Variants in PLCG1 observed in about 807,000 individuals in gnomAD.
PLCG1 encodes phospholipase C gamma 1, also known as 1-phosphatidylinositol 4,5-bisphosphate phosphodiesterase gamma-1.
PLCG1 carries 71 observed loss-of-function variants against 177.8 expected under a neutral mutation model. That is an observed-to-expected ratio of 0.40 (90% CI 0.33 to 0.49). The LOEUF is 0.49. Among genes scored for constraint, PLCG1 ranks in the 20% least tolerant of loss-of-function variants. The pLI is 0.72. For missense variants in PLCG1, 1,281 were observed against 1,709.0 expected (o/e 0.75, Z 4.42); for synonymous variants, 658 against 647.9 (o/e 1.02, Z -0.24).
intron 1 of PLCG1, 163 bp downstream of exon 1, chr20:41,138,021 T>C: frequency 4.6e-6 from 2 of 435,358 alleles, no homozygotes; most frequent in East Asian, 3.6e-5. Flanking sequence ...GGGTGGTCAC[T>C]GGGGGCGGGG....
In PLCG1 at chr20:41,137,649, G is replaced by A. The variant is rs1456314705; in HGVS notation, c.8G>A (p.Gly3Asp). ...GCCCCCAGCGTCGGAGCCATGGCGG[G>A]CGCCGCGTCCCCTTGCGCCAACGGC... MA[G>D]AASPCANGCG... The change falls in exon 1 of 32, where the codon GGC becomes GAC. Residue 3 changes from glycine to aspartate, a missense_variant. Transcript: ENST00000685551. This position sits in a 1 kb window ranked among gnomAD's most constrained non-coding sequence, Gnocchi z 7.3. 3 of 1,319,770 alleles carry A rather than the reference G, an allele frequency of 2.3e-6. No homozygotes were observed. The highest frequency in any genetic ancestry group is 1.9e-6 in the Non-Finnish European group (2 of 1,034,652). The allele number at this position is 1,319,770 out of a possible 1,614,324, so 81.8% of individuals were successfully genotyped here.
In PLCG1 at chr20:41,156,707, C is replaced by T. The variant is rs2035332623; in HGVS notation, c.218-2899C>T. Among the ~76,000 whole-genome samples, 1 of 152,166 alleles carries T rather than the reference C, an allele frequency of 6.6e-6. No individual in the cohort carries two copies. The highest frequency in any genetic ancestry group is 2.4e-5 in the African/African-American group (1 of 41,436). On this transcript the variant is annotated intron_variant, in intron 1 of 31. Transcript: ENST00000685551. This position sits in a 1 kb window ranked among gnomAD's most constrained non-coding sequence, Gnocchi z 5.0. ...GTATAACGTGTGACTTTCCTACTCC[C>T]CTAAGTAGTTCTCCCCTTCTCAAGC...
Position 41,170,371 on chromosome 20 carries a change from C to T in PLCG1, c.2808+102C>T, listed in dbSNP as rs953496947. 9 of 1,279,506 alleles carry T rather than the reference C, an allele frequency of 7.0e-6. No homozygotes were observed. In the African/African-American group the frequency reaches 1.0e-4, roughly 15 times the overall value. The allele number at this position is 1,279,506 out of a possible 1,614,324, so 79.3% of individuals were successfully genotyped here. A position where few individuals can be genotyped will look rare whatever the true frequency, so the allele number is the denominator to read the frequency against. ...GGCCCCCTCAGAGCAGTGGGGCAGC[C>T]GATGGCCTATGCTAGATAGGCCACA... On this transcript the variant is annotated intron_variant, in intron 24 of 31. Transcript: ENST00000685551.
chr20:41,177,352 G>A lies in PLCG1; in HGVS notation c.*2843G>A, dbSNP rs922717040. The A allele has an allele frequency of 6.6e-6, 1 of 152,286 alleles. No individual in the cohort carries two copies. The highest frequency in any genetic ancestry group is 1.5e-5 in the Non-Finnish European group (1 of 68,062). The allele number at this position is 152,286 out of a possible 1,614,324, so 9.4% of individuals were successfully genotyped here. ...AGACTGCCCTGCGGGAAGATGGCAG[G>A]AGCAGTTTCTGACCTCAGTTGAGTA... On this transcript the variant is annotated 3_prime_UTR_variant, in exon 32 of 32. Coordinates refer to ENST00000685551, the MANE Select transcript of PLCG1 (RefSeq NM_002660.3).
In PLCG1 at chr20:41,164,157, A is replaced by G. The variant is rs761510022; in HGVS notation, c.1173A>G (p.Ser391=). The G allele has an allele frequency of 3.7e-6, 6 of 1,614,054 alleles. No homozygotes were observed. Among genetic ancestry groups the G allele is most frequent in the Non-Finnish European group, 5.1e-6 (6 of 1,179,958 alleles). The stretch of plus-strand genomic sequence containing the variant: ...CCCTTACCACCAAGATCAAGTTCTC[A>G]GATGTCCTGCACACCATCAAGGAGC... ...GHTLTTKIKF[S]DVLHTIKEHA... Residue 391 remains serine, a synonymous_variant, in exon 12 of 32, where the codon TCA becomes TCG. Coordinates refer to ENST00000685551, the MANE Select transcript of PLCG1 (RefSeq NM_002660.3). The surrounding 1 kb of genome is among the most constrained non-coding windows in gnomAD (Gnocchi z 6.4).
Position 41,166,057 on chromosome 20 carries a change from CACA to C in PLCG1, c.1800-136_1800-134del. On this transcript the variant is annotated intron_variant, in intron 16 of 31. Coordinates refer to ENST00000685551, the MANE Select transcript of PLCG1 (RefSeq NM_002660.3). The surrounding 1 kb of genome is among the most constrained non-coding windows in gnomAD (Gnocchi z 8.6). ...CACACCTTTGGTTCATGTGACTGCC[CACA>C]CCTGAGCTCCTCAGGAGATTGGCCT... 8 of 761,988 alleles carry C rather than the reference CACA, an allele frequency of 1.0e-5. No homozygotes were observed. The highest frequency in any genetic ancestry group is 2.9e-4 in the Middle Eastern group (1 of 3,408). 47.2% of individuals were successfully genotyped at this position (761,988 alleles called of 1,614,324 possible). A position where few individuals can be genotyped will look rare whatever the true frequency, so the allele number is the denominator to read the frequency against.
At chr20:41,155,967 G>A (rs1196534660) in intron 1 of PLCG1, among the ~76,000 whole-genome samples, 1 of 152,174 alleles carries the variant, frequency 6.6e-6, no homozygotes, top group African/African-American at 2.4e-5. Context: ...GATGGTCAGG[G>A]AAAGCTTCTT....
intron 24 of PLCG1, 65 bp downstream of exon 24, chr20:41,170,334 G>C (rs774606137): frequency 6.3e-7 from 1 of 1,579,016 alleles, no homozygotes. Context: ...GAGGCCTCCA[G>C]CTCCCAGCAC....
At chr20:41,155,004 G>A (rs763392078) in intron 1 of PLCG1, among the ~76,000 whole-genome samples, 3 of 152,198 alleles carry the variant, frequency 2.0e-5, no homozygotes, top group Non-Finnish European at 4.4e-5. Context: ...CAGAAGCTCC[G>A]CTCTGAGTAA....
At chr20:41,139,731 C>T (rs1053662809) in intron 1 of PLCG1, among the ~76,000 whole-genome samples, 3 of 152,066 alleles carry the variant, frequency 2.0e-5, no homozygotes, top group Non-Finnish European at 4.4e-5. Context: ...CCGTGGCTGC[C>T]CTTCAAGACC....
At position 41,173,537 on chromosome 20, in the gene PLCG1, C is replaced by G. The variant is rs779852761; in HGVS notation, c.3394+3C>G. 1 of 1,613,692 alleles carries G rather than the reference C, an allele frequency of 6.2e-7. No individual in the cohort carries two copies. The highest frequency in any genetic ancestry group is 8.5e-7 in the Non-Finnish European group (1 of 1,179,858). On this transcript the variant is annotated splice_donor_region_variant and intron_variant, in intron 28 of 31. Coordinates refer to ENST00000685551, the MANE Select transcript of PLCG1 (RefSeq NM_002660.3). The surrounding 1 kb of genome is among the most constrained non-coding windows in gnomAD (Gnocchi z 6.2). ...CAAGCAGAAGACAGAGTTTGTGGGT[C>G]AGTCTGTCTTCCCAGTCATCCTCCT...
rs1010549672 is a variant in PLCG1 at position 41,153,170 on chromosome 20, G to A, written c.218-6436G>A. ...AAGAGACCTTTCATATTTACTATGA[G>A]TTGCAGTTTTTTTAAGTTACAAAAT... On this transcript the variant is annotated intron_variant, in intron 1 of 31. Coordinates refer to ENST00000685551, the MANE Select transcript of PLCG1 (RefSeq NM_002660.3). This position sits in a 1 kb window ranked among gnomAD's most constrained non-coding sequence, Gnocchi z 5.1. Among the ~76,000 whole-genome samples the A allele has an allele frequency of 5.3e-5, 8 of 152,222 alleles. No homozygotes were observed. Among genetic ancestry groups the A allele is most frequent in the South Asian group, 2.1e-4 (1 of 4,828 alleles).
chr20:41,159,430 C>G lies in PLCG1; in HGVS notation c.218-176C>G, dbSNP rs2035422452. 6.6e-6 allele frequency among the ~76,000 whole-genome samples: 1 copy of G among 152,176 alleles called. No individual in the cohort carries two copies. The highest frequency in any genetic ancestry group is 1.5e-5 in the Non-Finnish European group (1 of 68,024). ...ATCTCAGCCCTTACTTAGCAAAGGC[C>G]TATCCCTAGACTCAACCCAGCCCTC... On this transcript the variant is annotated intron_variant, in intron 1 of 31. Coordinates refer to ENST00000685551, the MANE Select transcript of PLCG1 (RefSeq NM_002660.3). This position sits in a 1 kb window ranked among gnomAD's most constrained non-coding sequence, Gnocchi z 6.0.
In PLCG1 at chr20:41,169,397, A is replaced by T. The variant is rs2035819525; in HGVS notation, c.2581-60A>T. The T allele has an allele frequency of 3.1e-6, 4 of 1,287,950 alleles. No individual in the cohort carries two copies. The East Asian group carries it at 9.2e-5, about 30-fold the overall frequency. 79.8% of individuals were successfully genotyped at this position (1,287,950 alleles called of 1,614,324 possible). A position where few individuals can be genotyped will look rare whatever the true frequency, so the allele number is the denominator to read the frequency against. The stretch of plus-strand genomic sequence containing the variant: ...ATGTATTTGTCCCATGCACACGGAT[A>T]TCCCCTCACACACATATGCAGTAGC... On this transcript the variant is annotated intron_variant, in intron 22 of 31. Transcript: ENST00000685551.
At chr20:41,155,654 A>C (rs2035297922) in intron 1 of PLCG1, among the ~76,000 whole-genome samples, 1 of 151,896 alleles carries the variant, frequency 6.6e-6, no homozygotes, top group Admixed American at 6.6e-5. Context: ...GATCATCTTT[A>C]TTTCACCCAA....
chr20:41,154,632 G>A (rs2035263152), intron 1 of PLCG1, among the ~76,000 whole-genome samples: 1 of 152,092 alleles, frequency 6.6e-6, no homozygotes, highest in Admixed American at 6.5e-5. Context: ...GTCGGGGTGG[G>A]AGCAAGAGTC....
chr20:41,147,601 A>T lies in PLCG1; in HGVS notation c.217+9743A>T, dbSNP rs941962979. 1.3e-5 allele frequency among the ~76,000 whole-genome samples: 2 copies of T among 152,208 alleles called. No individual in the cohort carries two copies. The highest frequency in any genetic ancestry group is 2.9e-5 in the Non-Finnish European group (2 of 68,028). ...CACGGTGGCTCACGCCTGTAATCCC[A>T]GCACTTTGGGAGGCCAAGGTAGGGG... On this transcript the variant is annotated intron_variant, in intron 1 of 31. Coordinates refer to ENST00000685551, the MANE Select transcript of PLCG1 (RefSeq NM_002660.3). The surrounding 1 kb of genome is among the most constrained non-coding windows in gnomAD (Gnocchi z 4.0).
Position 41,153,501 on chromosome 20 carries a change from G to A in PLCG1, c.218-6105G>A, listed in dbSNP as rs901140517. ...TTTTGCAGAGGTGGGGTCTTCCTCT[G>A]TTACCCAGATGGGTCTTGAACTCCT... On this transcript the variant is annotated intron_variant, in intron 1 of 31. Coordinates refer to ENST00000685551, the MANE Select transcript of PLCG1 (RefSeq NM_002660.3). This position sits in a 1 kb window ranked among gnomAD's most constrained non-coding sequence, Gnocchi z 5.1. Among the ~76,000 whole-genome samples the A allele has an allele frequency of 6.6e-6, 1 of 152,100 alleles. No homozygotes were observed. The highest frequency in any genetic ancestry group is 2.4e-5 in the African/African-American group (1 of 41,384).
Position 41,174,221 on chromosome 20 carries a change from G to C in PLCG1, c.3743G>C (p.Gly1248Ala), listed in dbSNP as rs2035991571. 2 of 1,614,054 alleles carry C rather than the reference G, an allele frequency of 1.2e-6. No individual in the cohort carries two copies. Among genetic ancestry groups the C allele is most frequent in the Admixed American group, 1.7e-5 (1 of 60,012 alleles). The part of the protein sequence containing the change: ...GQLFHGRARE[G>A]SFESRYQQPF... The stretch of plus-strand genomic sequence containing the variant: ...CTGTTTCATGGCCGAGCCCGGGAAG[G>C]CTCCTTTGAATCCCGCTACCAGCAG... The change falls in exon 31 of 32, where the codon GGC becomes GCC. Residue 1248 changes from glycine (G) to alanine (A), a missense_variant. Transcript: ENST00000685551. This position sits in a 1 kb window ranked among gnomAD's most constrained non-coding sequence, Gnocchi z 5.8.
Sources: allele counts gnomAD v4.1 joint callset (sites outside exome capture counted in the v4.1 genomes callset), GRCh38; gene constraint gnomAD v4.1.1; non-coding constraint Gnocchi (gnomAD v3.1); transcripts MANE v1.5; gene names NCBI Gene and HGNC (gene_info 2026-07-23, HGNC 2026-07-21).